Variants in SND1 observed in about 807,000 individuals in gnomAD.
The protein encoded by SND1 is staphylococcal nuclease and tudor domain containing 1, also known as staphylococcal nuclease domain-containing protein 1.
SND1 carries 38 observed loss-of-function variants against 121.7 expected under a neutral mutation model. The observed-to-expected ratio is 0.31, with a 90% CI of 0.24 to 0.41. The LOEUF (loss-of-function observed/expected upper bound fraction) is 0.41, where lower values mean the gene tolerates loss of function less well. SND1 is among the 10% of genes least tolerant of loss of function. SND1 has a pLI of 1.00. For missense variants in SND1, 868 were observed against 1,184.6 expected, an observed-to-expected ratio of 0.73 and a Z score of 3.92; for synonymous variants, 401 against 447.4, an observed-to-expected ratio of 0.90 and a Z score of 1.31.
chr7:127,813,843 G>T (rs376674670), intron 11 of SND1, among the ~76,000 whole-genome samples: 15 of 152,282 alleles, frequency 9.9e-5, no homozygotes, highest in African/African-American at 3.6e-4. Flanking sequence ...GATTACAGGT[G>T]TAAGCCACCA....
chr7:127,930,565 C>T (rs563115365), intron 15 of SND1, among the ~76,000 whole-genome samples: 1 of 152,246 alleles, frequency 6.6e-6, no homozygotes, highest in African/African-American at 2.4e-5. Flanking sequence ...TGAAGGGACT[C>T]ATTGAAGTGT....
intron 16 of SND1, among the ~76,000 whole-genome samples, chr7:128,038,701 A>C (rs889686693): frequency 3.6e-5 from 5 of 139,972 alleles, no homozygotes; most frequent in Non-Finnish European, 8.0e-5. Flanking sequence ...TTTTTTTTTG[A>C]GGTAATTTTA....
chr7:128,092,088 G>A lies in SND1; in HGVS notation c.*30G>A, dbSNP rs371942235. 77 of 1,609,678 alleles carry A rather than the reference G, an allele frequency of 4.8e-5. No homozygotes were observed. Among genetic ancestry groups the A allele is most frequent in the Non-Finnish European group, 6.0e-5 (71 of 1,176,234 alleles). ...GGGATCGGGTTTGGCCCCCAGCCCC[G>A]CTCACGCCAGTCCCTCTTCCTCTGC... On this transcript the variant is annotated 3_prime_UTR_variant, in exon 24 of 24. Coordinates refer to ENST00000354725, the MANE Select transcript of SND1 (RefSeq NM_014390.4). The surrounding 1 kb of genome is among the most constrained non-coding windows in gnomAD (Gnocchi z 4.9).
At chr7:127,888,102 T>G in intron 13 of SND1, 90 bp downstream of exon 13, 2 of 721,920 alleles carry the variant, frequency 2.8e-6, no homozygotes, top group East Asian at 2.8e-5. Context: ...CAGAATGTGT[T>G]GGAAAATAAT....
At chr7:127,657,642 C>T (rs1000069882) in intron 1 of SND1, among the ~76,000 whole-genome samples, 4 of 151,620 alleles carry the variant, frequency 2.6e-5, no homozygotes, top group South Asian at 2.1e-4. Flanking sequence ...ACTACAGGTG[C>T]GTGCTACCAC....
At chr7:127,756,566 GCTT>G (rs1327825779) in intron 10 of SND1, among the ~76,000 whole-genome samples, 2 of 152,182 alleles carry the variant, frequency 1.3e-5, no homozygotes, top group African/African-American at 2.4e-5. Context: ...CCTTAACTCT[GCTT>G]CTTCTTGTAT....
chr7:127,988,588 T>C (rs1161525249), intron 15 of SND1, among the ~76,000 whole-genome samples: 1 of 152,224 alleles, frequency 6.6e-6, no homozygotes, highest in Non-Finnish European at 1.5e-5. Context: ...AATCACTTGG[T>C]GGTCTCCAGG....
intron 10 of SND1, among the ~76,000 whole-genome samples, chr7:127,738,701 T>C (rs1796824398): frequency 6.6e-6 from 1 of 152,118 alleles, no homozygotes; most frequent in South Asian, 2.1e-4. Flanking sequence ...TTTTCTTAAC[T>C]CTCTTCCTCT....
At chr7:127,755,337 G>A (rs1452023725) in intron 10 of SND1, among the ~76,000 whole-genome samples, 1 of 152,164 alleles carries the variant, frequency 6.6e-6, no homozygotes, top group Non-Finnish European at 1.5e-5. Context: ...GCTGAAACGA[G>A]GAAGTTCTGT....
chr7:127,794,546 A>G (rs936312425), intron 10 of SND1, among the ~76,000 whole-genome samples: 1 of 152,230 alleles, frequency 6.6e-6, no homozygotes, highest in African/African-American at 2.4e-5. Flanking sequence ...GCATTTCTCT[A>G]ACAAAATGAT....
chr7:127,823,627 C>G (rs1475580507), intron 11 of SND1, among the ~76,000 whole-genome samples: 2 of 152,210 alleles, frequency 1.3e-5, no homozygotes, highest in East Asian at 3.8e-4. Flanking sequence ...ATTTACCTGT[C>G]TAACCATAAG....
chr7:127,729,103 G>C (rs1376501139), intron 10 of SND1, among the ~76,000 whole-genome samples: 1 of 152,054 alleles, frequency 6.6e-6, no homozygotes, highest in Non-Finnish European at 1.5e-5. Flanking sequence ...TGAAGATTGA[G>C]TTCAGTCCAC....
rs959565007 is a variant in SND1, at chr7:128,085,266, C to T, written c.2234+419C>T. On this transcript the variant is annotated intron_variant, in intron 19 of 23. Coordinates refer to ENST00000354725, the MANE Select transcript of SND1 (RefSeq NM_014390.4). The surrounding 1 kb of genome is among the most constrained non-coding windows in gnomAD (Gnocchi z 4.4). ...TGTCTAGGACATGAGCAGCAGTGCTCACAGGCCGGAAGAAGGTCGCTGATG... is the reference window on the plus strand; with the variant it reads ...TGTCTAGGACATGAGCAGCAGTGCTTACAGGCCGGAAGAAGGTCGCTGATG... Among the ~76,000 whole-genome samples, 2 of 152,182 alleles carry T rather than the reference C, an allele frequency of 1.3e-5. No homozygotes were observed. Among genetic ancestry groups the T allele is most frequent in the Non-Finnish European group, 2.9e-5 (2 of 68,028 alleles).
intron 12 of SND1, among the ~76,000 whole-genome samples, chr7:127,874,905 G>A (rs1563043718): frequency 6.6e-6 from 1 of 151,994 alleles, no homozygotes; most frequent in Non-Finnish European, 1.5e-5. Context: ...TGTATTAAGG[G>A]CAACCTAGAT....
chr7:127,754,306 T>G (rs1424189138), intron 10 of SND1, among the ~76,000 whole-genome samples: 2 of 152,232 alleles, frequency 1.3e-5, no homozygotes, highest in Non-Finnish European at 2.9e-5. Flanking sequence ...CCTCTCTGAT[T>G]GGATGTTTTG....
chr7:127,979,094 A>T (rs1802197998), intron 15 of SND1, among the ~76,000 whole-genome samples: 2 of 152,138 alleles, frequency 1.3e-5, no homozygotes, highest in South Asian at 4.1e-4. Context: ...GGGCCTTATG[A>T]TCTTTGTTAC....
chr7:127,968,181 C>G (rs919365689), intron 15 of SND1, among the ~76,000 whole-genome samples: 1 of 152,186 alleles, frequency 6.6e-6, no homozygotes, highest in Non-Finnish European at 1.5e-5. Flanking sequence ...AACAATGTTG[C>G]TTTTTTTCAA....
At chr7:127,944,611 G>A (rs1801286502) in intron 15 of SND1, among the ~76,000 whole-genome samples, 1 of 152,058 alleles carries the variant, frequency 6.6e-6, no homozygotes, top group Admixed American at 6.5e-5. Context: ...GAATTTCATG[G>A]CACATAGCAC....
intron 14 of SND1, among the ~76,000 whole-genome samples, chr7:127,924,553 G>A (rs1800792607): frequency 1.3e-5 from 2 of 152,038 alleles, no homozygotes; most frequent in African/African-American, 2.4e-5. Flanking sequence ...AGTGCACACC[G>A]ACATCCTAAA....
Sources: gnomAD v4.1 joint callset for allele counts (sites outside exome capture counted in the v4.1 genomes callset) on GRCh38, gnomAD v4.1.1 for gene constraint, Gnocchi (gnomAD v3.1) non-coding constraint, MANE v1.5 for transcripts, NCBI Gene and HGNC (gene_info 2026-07-23, HGNC 2026-07-21) for gene names.